The following PREX2 variants were observed in gnomAD, a reference collection of about 807,000 sequenced individuals.
The protein encoded by PREX2 is phosphatidylinositol-3,4,5-trisphosphate dependent Rac exchange factor 2, also known as phosphatidylinositol 3,4,5-trisphosphate-dependent Rac exchanger 2 protein.
A neutral mutation model predicts 203.2 loss-of-function variants in PREX2; 107 were observed. That is an observed-to-expected ratio of 0.53 (90% CI 0.45 to 0.62). The LOEUF (loss-of-function observed/expected upper bound fraction) is 0.62, where lower values mean the gene tolerates loss of function less well. Among genes scored for constraint, PREX2 ranks in the 20% least tolerant of loss-of-function variants. The pLI, the probability that PREX2 is intolerant of heterozygous loss-of-function variation, is 0.00. For missense variants in PREX2, 1,777 were observed against 1,955.9 expected (o/e 0.91, Z 1.72); for synonymous variants, 672 against 663.6 (o/e 1.01, Z -0.19).
At chr8:68,166,246 G>C (rs1293004671) in intron 35 of PREX2, among the ~76,000 whole-genome samples, 1 of 152,192 alleles carries the variant, frequency 6.6e-6, no homozygotes, top group Non-Finnish European at 1.5e-5. Flanking sequence ...GAACTCACCT[G>C]AAACACCCAA....
intron 1 of PREX2, among the ~76,000 whole-genome samples, chr8:67,960,904 A>G (rs1169654384): frequency 4.0e-5 from 6 of 151,072 alleles, no homozygotes; most frequent in African/African-American, 1.5e-4. Flanking sequence ...TTTCTTAAAC[A>G]CAACATACAA....
chr8:68,018,784 T>C (rs1017668516), intron 2 of PREX2, among the ~76,000 whole-genome samples: 11 of 152,324 alleles, frequency 7.2e-5, no homozygotes, highest in African/African-American at 2.6e-4. Context: ...TCATTTAAAT[T>C]GTATGTACTA....
chr8:68,044,197 C>T (rs1270008940), intron 7 of PREX2, among the ~76,000 whole-genome samples: 1 of 152,058 alleles, frequency 6.6e-6, no homozygotes, highest in Admixed American at 6.6e-5. Context: ...TTGGGCACCG[C>T]TAATGTCTTA....
chr8:68,028,719 T>C (rs1027334525), intron 5 of PREX2, among the ~76,000 whole-genome samples: 2 of 152,130 alleles, frequency 1.3e-5, no homozygotes, highest in African/African-American at 4.8e-5. Flanking sequence ...TCAGTTTGCA[T>C]GTGTACTCAT....
At chr8:68,039,521 T>G (rs1808132027) in intron 7 of PREX2, among the ~76,000 whole-genome samples, 1 of 152,104 alleles carries the variant, frequency 6.6e-6, no homozygotes, top group Non-Finnish European at 1.5e-5. Context: ...ATCACTCATG[T>G]CCCACATCTG....
chr8:68,184,665 T>A (rs1585850671), intron 35 of PREX2, among the ~76,000 whole-genome samples: 1 of 152,094 alleles, frequency 6.6e-6, no homozygotes, highest in South Asian at 2.1e-4. Flanking sequence ...CTGAATAGTA[T>A]AGTTCCTTCT....
rs570600679 is a variant in PREX2, at chr8:67,952,392, A to G, written c.-3A>G. The G allele has an allele frequency of 1.4e-4, 211 of 1,541,590 alleles. No individual in the cohort carries two copies. In the African/African-American group the frequency reaches 2.5e-3, roughly 18 times the overall value. On this transcript the variant is annotated 5_prime_UTR_variant, in exon 1 of 40. Transcript: ENST00000288368. ...AGCGCCGCGCTGCGCACCGCCGCCGACCATGAGCGAGGACAGCCGCGGAGA... is the reference window on the plus strand; with the variant it reads ...AGCGCCGCGCTGCGCACCGCCGCCGGCCATGAGCGAGGACAGCCGCGGAGA...
chr8:68,049,117 CTT>C (rs3056658), intron 8 of PREX2, among the ~76,000 whole-genome samples: 158 of 116,142 alleles, frequency 1.4e-3, no homozygotes, highest in African/African-American at 1.8e-3. Context: ...CAATTAGAAT[CTT>C]TTTTTTTTTT....
rs186884800 is a variant in PREX2 at position 68,164,391 on chromosome 8, C to T, written c.4346+6955C>T. Among the ~76,000 whole-genome samples, 19 of 151,556 alleles carry T rather than the reference C, an allele frequency of 1.3e-4. No homozygotes were observed. In the East Asian group the frequency reaches 3.5e-3, roughly 28 times the overall value. ...ACACACACACACATATATATACACA[C>T]ACACTATATATATTAATATATGTAT... On this transcript the variant is annotated intron_variant, in intron 35 of 39. Coordinates refer to ENST00000288368, the MANE Select transcript of PREX2 (RefSeq NM_024870.4).
At chr8:68,098,966 A>ATATC (rs904419185) in intron 22 of PREX2, among the ~76,000 whole-genome samples, 13 of 143,654 alleles carry the variant, frequency 9.0e-5, no homozygotes, top group Admixed American at 2.8e-4. Context: ...ATATATATAT[A>ATATC]TATATATATA....
At chr8:68,180,537 A>T in intron 35 of PREX2, among the ~76,000 whole-genome samples, 1 of 152,018 alleles carries the variant, frequency 6.6e-6, no homozygotes, top group Admixed American at 6.6e-5. Context: ...GAAAAGTTTC[A>T]AAGTGTGAAT....
intron 14 of PREX2, among the ~76,000 whole-genome samples, chr8:68,075,031 A>G (rs1400539768): frequency 6.6e-6 from 1 of 152,208 alleles, no homozygotes; most frequent in Non-Finnish European, 1.5e-5. Flanking sequence ...GCAGTAATAT[A>G]CCTTTAAAAC....
intron 22 of PREX2, among the ~76,000 whole-genome samples, chr8:68,098,342 TGGGA>T (rs921928535): frequency 3.3e-5 from 5 of 152,156 alleles, no homozygotes; most frequent in African/African-American, 9.7e-5. Flanking sequence ...AAAATTTTAG[TGGGA>T]GGAAGTAATA....
chr8:68,071,850 G>A (rs943206122), intron 13 of PREX2, among the ~76,000 whole-genome samples: 3 of 152,138 alleles, frequency 2.0e-5, no homozygotes, highest in African/African-American at 7.2e-5. Context: ...GAATAATACT[G>A]TAGTGCAAAT....
At chr8:68,060,824 C>A in intron 11 of PREX2, 45 bp downstream of exon 11, 1 of 1,233,476 alleles carries the variant, frequency 8.1e-7, no homozygotes, top group Non-Finnish European at 1.2e-6. Flanking sequence ...ATTTATTGGC[C>A]ATATGTATCT....
chr8:68,193,154 G>A (rs1812330054), intron 37 of PREX2, among the ~76,000 whole-genome samples: 1 of 152,184 alleles, frequency 6.6e-6, no homozygotes, highest in African/African-American at 2.4e-5. Flanking sequence ...GTGCGAGTGG[G>A]AATCCCTGAG....
chr8:68,083,551 C>T (rs1809594332), intron 18 of PREX2, among the ~76,000 whole-genome samples, 163 bp downstream of exon 18: 2 of 152,184 alleles, frequency 1.3e-5, no homozygotes, highest in Admixed American at 6.5e-5. Flanking sequence ...GGAGAAGCTA[C>T]ATCGCTTGTG....
intron 34 of PREX2, among the ~76,000 whole-genome samples, chr8:68,147,818 C>G (rs1411275846): frequency 1.3e-5 from 2 of 152,132 alleles, no homozygotes; most frequent in African/African-American, 2.4e-5. Context: ...ATTTTCATTT[C>G]TCTTTGGAGG....
intron 17 of PREX2, 80 bp downstream of exon 17, chr8:68,080,918 C>A: frequency 1.2e-6 from 1 of 825,854 alleles, no homozygotes; most frequent in Non-Finnish European, 2.0e-6. Context: ...TGAAATCTGC[C>A]TTTAAAGATA....
Sources: allele counts gnomAD v4.1 joint callset (sites outside exome capture counted in the v4.1 genomes callset), GRCh38; gene constraint gnomAD v4.1.1; transcripts MANE v1.5; gene names NCBI Gene and HGNC (gene_info 2026-07-23, HGNC 2026-07-21).